LUZP2: variants seen among roughly 807,000 people sequenced by gnomAD.
LUZP2 encodes the protein leucine zipper protein 2.
Under a neutral mutation model 51.6 loss-of-function variants are expected in LUZP2, and 52 were observed. The ratio of observed to expected loss-of-function variants is 1.01; its 90% CI spans 0.81 to 1.27. The LOEUF is 1.27. Among genes scored for constraint, LUZP2 ranks in the 50% most tolerant of loss-of-function variants. The probability of loss-of-function intolerance (pLI) is 0.00; values close to 1 mark genes in which losing one functional copy is unlikely to be tolerated. For synonymous variants in LUZP2, 154 were observed against 137.3 expected, an observed-to-expected ratio of 1.12 and a Z score of -0.85; for missense variants, 436 against 395.4, an observed-to-expected ratio of 1.10 and a Z score of -0.87.
chr11:24,929,595 T>C (rs1590744327), intron 7 of LUZP2, among the ~76,000 whole-genome samples: 1 of 152,110 alleles, frequency 6.6e-6, no homozygotes, highest in African/African-American at 2.4e-5. Context: ...CTTGACATAA[T>C]TTTGATTTTC....
intron 10 of LUZP2, among the ~76,000 whole-genome samples, chr11:25,066,203 G>T (rs1858993930): frequency 6.6e-6 from 1 of 151,494 alleles, no homozygotes; most frequent in Non-Finnish European, 1.5e-5. Context: ...CTTCCTATTA[G>T]TTATGCATTA....
chr11:25,069,682 A>G (rs1859099130), intron 10 of LUZP2, among the ~76,000 whole-genome samples: 1 of 151,950 alleles, frequency 6.6e-6, no homozygotes, highest in South Asian at 2.1e-4. Flanking sequence ...CTATATTTCA[A>G]TATTCAGTAG....
At chr11:24,915,794 T>TA (rs887164414) in intron 7 of LUZP2, among the ~76,000 whole-genome samples, 42 of 149,300 alleles carry the variant, frequency 2.8e-4, no homozygotes, top group African/African-American at 6.6e-4. Context: ...TTCTTGCCAT[T>TA]AAAAAAAAAT....
At chr11:24,830,838 C>CA (rs1415643967) in intron 5 of LUZP2, among the ~76,000 whole-genome samples, 2 of 151,440 alleles carry the variant, frequency 1.3e-5, no homozygotes, top group South Asian at 2.1e-4. Flanking sequence ...ACTAAAAATA[C>CA]AAAAAATTAG....
intron 9 of LUZP2, among the ~76,000 whole-genome samples, chr11:25,013,916 C>T (rs1323079265): frequency 6.6e-6 from 1 of 151,860 alleles, no homozygotes; most frequent in Non-Finnish European, 1.5e-5. Context: ...CACCCCATGA[C>T]AGGCCCCAGT....
chr11:24,589,161 T>G (rs1403049888), intron 1 of LUZP2, among the ~76,000 whole-genome samples: 1 of 152,286 alleles, frequency 6.6e-6, no homozygotes, highest in East Asian at 1.9e-4. Context: ...GTTCTCTAGC[T>G]TTCTAATCAT....
At chr11:24,902,868 AAAT>A (rs1306658244) in intron 5 of LUZP2, among the ~76,000 whole-genome samples, 1 of 152,182 alleles carries the variant, frequency 6.6e-6, no homozygotes, top group Non-Finnish European at 1.5e-5. Context: ...ATAAGTGAAC[AAAT>A]AATAATAACA....
In LUZP2 at chr11:25,030,961, C is replaced by T. The variant is rs12049829; in HGVS notation, c.766-19077C>T. 2.7e-3 allele frequency among the ~76,000 whole-genome samples: 22 copies of T among 8,198 alleles called. 2 individuals are homozygous for T. The highest frequency in any genetic ancestry group is 5.3e-3 in the Admixed American group (2 of 378). 5.4% of individuals were successfully genotyped at this position (8,198 alleles called of 152,430 possible). ...TATTATATATATTATATATATAATA[C>T]AATATATATTATATATATATAATAC... On this transcript the variant is annotated intron_variant, in intron 9 of 11. Coordinates refer to ENST00000336930, the MANE Select transcript of LUZP2 (RefSeq NM_001009909.4).
chr11:24,590,748 C>T (rs554744225), intron 1 of LUZP2, among the ~76,000 whole-genome samples: 1 of 152,202 alleles, frequency 6.6e-6, no homozygotes, highest in South Asian at 2.1e-4. Context: ...ATTTCCATGC[C>T]TTCTAAAATC....
chr11:24,799,268 A>G (rs1197108588), intron 5 of LUZP2, among the ~76,000 whole-genome samples: 3 of 152,218 alleles, frequency 2.0e-5, no homozygotes, highest in South Asian at 2.1e-4. Context: ...TGAGTAACAC[A>G]TAGGAGGAAG....
At chr11:24,919,496 TTA>T (rs1853947336) in intron 7 of LUZP2, among the ~76,000 whole-genome samples, 1 of 136,470 alleles carries the variant, frequency 7.3e-6, no homozygotes, top group Non-Finnish European at 1.5e-5. Flanking sequence ...TATATATTCT[TTA>T]TATATATTCA....
At chr11:24,587,581 C>A (rs1314431932) in intron 1 of LUZP2, among the ~76,000 whole-genome samples, 1 of 152,050 alleles carries the variant, frequency 6.6e-6, no homozygotes, top group African/African-American at 2.4e-5. Flanking sequence ...TTTCATGAAG[C>A]TAGCTGTGAA....
Position 24,900,591 on chromosome 11 carries a change from C to G in LUZP2, c.397-5400C>G, listed in dbSNP as rs74523939. Among the ~76,000 whole-genome samples the G allele has an allele frequency of 4.2e-3, 637 of 152,274 alleles. 3 individuals carry two copies. The highest frequency in any genetic ancestry group is 0.014 in the African/African-American group (602 of 41,566). On this transcript the variant is annotated intron_variant, in intron 5 of 11. Coordinates refer to ENST00000336930, the MANE Select transcript of LUZP2 (RefSeq NM_001009909.4). ...AGTTTGGCCTAAAGGTTTCTCTATA[C>G]ATAGTGAAGTGTAACCTAGCTGATA...
At chr11:24,515,155 A>G (rs1201318684) in intron 1 of LUZP2, among the ~76,000 whole-genome samples, 1 of 152,202 alleles carries the variant, frequency 6.6e-6, no homozygotes, top group African/African-American at 2.4e-5. Context: ...CCTCTGATGT[A>G]GGAGTTACAC....
At chr11:24,605,126 A>C (rs1311207335) in intron 1 of LUZP2, among the ~76,000 whole-genome samples, 2 of 151,766 alleles carry the variant, frequency 1.3e-5, no homozygotes, top group Non-Finnish European at 3.0e-5. Flanking sequence ...TCTTTGTAGA[A>C]GTTTCCCAAT....
chr11:24,520,921 A>G (rs1368535861), intron 1 of LUZP2, among the ~76,000 whole-genome samples: 4 of 152,208 alleles, frequency 2.6e-5, no homozygotes, highest in Non-Finnish European at 5.9e-5. Context: ...GAGAGTGGAT[A>G]TGATGCCTCA....
intron 5 of LUZP2, among the ~76,000 whole-genome samples, chr11:24,887,234 A>C (rs1852697417): frequency 6.6e-6 from 1 of 151,956 alleles, no homozygotes; most frequent in South Asian, 2.1e-4. Flanking sequence ...GATGGAAGGC[A>C]CAAATATAAC....
intron 1 of LUZP2, among the ~76,000 whole-genome samples, chr11:24,559,501 T>C (rs1851968996): frequency 1.3e-5 from 2 of 152,066 alleles, no homozygotes; most frequent in Admixed American, 1.3e-4. Context: ...AGAGAGCAAG[T>C]TTATAAGCAG....
chr11:24,605,267 C>CT (rs1296155112), intron 1 of LUZP2, among the ~76,000 whole-genome samples: 4 of 151,578 alleles, frequency 2.6e-5, no homozygotes, highest in African/African-American at 9.7e-5. Flanking sequence ...TAAAGAGCTC[C>CT]TTTTTAAAAG....
Sources: allele counts gnomAD v4.1 joint callset (sites outside exome capture counted in the v4.1 genomes callset), GRCh38; gene constraint gnomAD v4.1.1; transcripts MANE v1.5; gene names NCBI Gene and HGNC (gene_info 2026-07-23, HGNC 2026-07-21).